Variants in XDH observed in about 807,000 individuals in gnomAD.
XDH encodes xanthine dehydrogenase/oxidase.
A neutral mutation model predicts 156.1 loss-of-function variants in XDH; 138 were observed. The ratio of observed to expected loss-of-function variants is 0.88; its 90% confidence interval spans 0.77 to 1.02. XDH has a LOEUF of 1.02. Ranked by LOEUF, XDH falls within the 50% of genes least tolerant of loss-of-function variation. The pLI is 0.00. For missense variants in XDH, 1,849 were observed against 1,684.9 expected, an observed-to-expected ratio of 1.10 and a Z score of -1.71; for synonymous variants, 669 against 625.7, an observed-to-expected ratio of 1.07 and a Z score of -1.03.
chr2:31,408,707 A>G (rs1315484466), intron 1 of XDH, among the ~76,000 whole-genome samples: 1 of 152,214 alleles, frequency 6.6e-6, no homozygotes, highest in Non-Finnish European at 1.5e-5. Flanking sequence ...TAGTACAGCC[A>G]CTATGGAGAA....
Position 31,377,165 on chromosome 2 carries a change from T to C in XDH, c.1315A>G (p.Arg439Gly). The change falls in exon 14 of 36, where the codon AGA becomes GGA. Residue 439 changes from arginine (R) to glycine (G), a missense_variant. By Grantham distance (125) the Arg-to-Gly change is moderately radical. Coordinates refer to ENST00000379416, the MANE Select transcript of XDH (RefSeq NM_000379.4). ...GTGGTTCCTGGCTTGAATAAAACTC[T>C]CATGCCACTGGTTACCTTGGCAATG... ...DDIAKVTSGM[R>G]VLFKPGTTEV... 6.2e-7 allele frequency: 1 copy of C among 1,614,122 alleles called. No individual in the cohort carries two copies. Among genetic ancestry groups the C allele is most frequent in the Non-Finnish European group, 8.5e-7 (1 of 1,180,030 alleles).
intron 24 of XDH, among the ~76,000 whole-genome samples, chr2:31,355,282 G>T (rs1214344475): frequency 6.6e-6 from 1 of 152,070 alleles, no homozygotes; most frequent in East Asian, 1.9e-4. Context: ...ATGACTAAAG[G>T]AAGTTCTAAA....
intron 5 of XDH, 35 bp downstream of exon 5, chr2:31,398,538 A>G (rs1224625333): frequency 1.9e-6 from 3 of 1,613,256 alleles, no homozygotes; most frequent in South Asian, 1.1e-5. Flanking sequence ...CTCGTTTGCC[A>G]TTCCACCTCC....
chr2:31,380,683 C>T (rs1351722976), intron 12 of XDH, among the ~76,000 whole-genome samples: 2 of 152,242 alleles, frequency 1.3e-5, no homozygotes, highest in East Asian at 3.8e-4. Flanking sequence ...CCAGACTTTG[C>T]TCCCATGTAT....
rs753500522 is a variant in XDH at position 31,383,027 on chromosome 2, C to G, written c.1012G>C (p.Ala338Pro). The change falls in exon 11 of 36, where the codon GCT (alanine) becomes CCT (proline). Residue 338 changes from alanine to proline, a missense_variant. By Grantham distance (27) the Ala-to-Pro change is conservative. Coordinates refer to ENST00000379416, the MANE Select transcript of XDH (RefSeq NM_000379.4). ...GCCACAGACTTGACTTGCTTCCCAG[C>G]AAACCAGCGCAGCTGCTCCAGGACC... is the stretch of plus-strand genomic sequence containing the variant. ...RGVLEQLRWF[A>P]GKQVKSVASV... 7 of 1,614,070 alleles carry G rather than the reference C, an allele frequency of 4.3e-6. No homozygotes were observed. Among genetic ancestry groups the G allele is most frequent in the Non-Finnish European group, 5.9e-6 (7 of 1,180,048 alleles).
chr2:31,376,560 T>C (rs553527556), intron 14 of XDH, among the ~76,000 whole-genome samples: 29 of 149,362 alleles, frequency 1.9e-4, no homozygotes, highest in African/African-American at 6.8e-4. Context: ...ACTAATAGAG[T>C]AAGCGGTAGA....
chr2:31,384,119 A>AGTGTGTCTGT (rs1553310580), intron 9 of XDH: 1 of 270,522 alleles, frequency 3.7e-6, no homozygotes, highest in Non-Finnish European at 7.2e-6. Context: ...AATTCACTCT[A>AGTGTGTCTGT]GTGTGTGTGT....
At chr2:31,389,695 G>A (rs963278499) in intron 6 of XDH, 3 of 152,080 alleles carry the variant, frequency 2.0e-5, no homozygotes, top group Non-Finnish European at 4.4e-5. Flanking sequence ...ATTCATTGGT[G>A]TGTTAATGAC....
In XDH at chr2:31,344,591, G is replaced by T; in HGVS notation, c.3404+93C>A. On this transcript the variant is annotated intron_variant, in intron 31 of 35. Coordinates refer to ENST00000379416, the MANE Select transcript of XDH (RefSeq NM_000379.4). ...GAGATAAGTGGAGCTGCTCTCTCCT[G>T]ACCACAGCCTGGCAGGATTCGGTGC... 3 of 1,455,270 alleles carry T rather than the reference G, an allele frequency of 2.1e-6. No homozygotes were observed. The South Asian group carries it at 3.4e-5, about 17-fold the overall frequency. 90.1% of individuals were successfully genotyped at this position (1,455,270 alleles called of 1,614,324 possible). A position where few individuals can be genotyped will look rare whatever the true frequency, so the allele number is the denominator to read the frequency against.
At chr2:31,400,236 CT>C (rs34200607) in intron 4 of XDH, among the ~76,000 whole-genome samples, 3,619 of 124,644 alleles carry the variant, frequency 0.029, 36 homozygotes, top group South Asian at 0.088. Flanking sequence ...CTGGTAACTT[CT>C]TTTTTTTTTT....
chr2:31,365,874 G>A (rs1685901755), intron 22 of XDH, 102 bp downstream of exon 22: 2 of 1,574,014 alleles, frequency 1.3e-6, no homozygotes, highest in South Asian at 1.1e-5. Context: ...AAAGCAGGGG[G>A]AAACTAATTC....
At chr2:31,344,817 A>G in intron 30 of XDH, 81 bp from the exon 31 acceptor site, 1 of 1,458,192 alleles carries the variant, frequency 6.9e-7, no homozygotes, top group Non-Finnish European at 9.6e-7. Flanking sequence ...TCAGGAGCTC[A>G]CCTCCTCTGG....
intron 12 of XDH, among the ~76,000 whole-genome samples, chr2:31,380,614 T>C (rs1686411762): frequency 6.6e-6 from 1 of 152,244 alleles, no homozygotes; most frequent in African/African-American, 2.4e-5. Flanking sequence ...CTGGAGGAAT[T>C]AAGCATGCAC....
chr2:31,383,131 C>T lies in XDH; in HGVS notation c.908G>A (p.Cys303Tyr). Residue 303 changes from cysteine to tyrosine, a missense_variant, in exon 11 of 36, where the codon TGC (cysteine) becomes TAC (tyrosine). Cys to Tyr is a radical substitution (Grantham distance 194). Transcript: ENST00000379416. ...GGTTTTTTCCACAATGCTCAGGGGG[C>T]AAGCAGCTCCAAAGGAGATACCTGG... Reference protein sequence around the residue: ...GPDGISFGAACPLSIVEKTLV... With the variant: ...GPDGISFGAAYPLSIVEKTLV... 1 of 1,614,178 alleles carries T rather than the reference C, an allele frequency of 6.2e-7. No individual in the cohort carries two copies. The highest frequency in any genetic ancestry group is 8.5e-7 in the Non-Finnish European group (1 of 1,180,032).
chr2:31,357,764 G>T (rs757602420), intron 24 of XDH, among the ~76,000 whole-genome samples: 23 of 151,928 alleles, frequency 1.5e-4, no homozygotes, highest in Non-Finnish European at 2.8e-4. Context: ...AGATATTGAC[G>T]TTACCCTGAT....
rs1198231760 is a variant in XDH, at chr2:31,381,697, G to T, written c.1068C>A (p.Ser356Arg). 6.2e-7 allele frequency: 1 copy of T among 1,613,860 alleles called. No individual in the cohort carries two copies. The highest frequency in any genetic ancestry group is 8.5e-7 in the Non-Finnish European group (1 of 1,179,990). Reference protein sequence around the residue: ...ASVGGNIITASPISDLNPVFM... With the variant: ...ASVGGNIITARPISDLNPVFM... ...ACACGGGGTTGAGGTCGGAGATGGG[G>T]CTGGCAGTGATGATGTTCCCTCCAA... The change falls in exon 12 of 36, where the codon AGC (serine) becomes AGA (arginine). Residue 356 changes from serine to arginine, a missense_variant. Ser to Arg is a moderately radical substitution (Grantham distance 110). Transcript: ENST00000379416.
At chr2:31,406,608 G>T (rs1687197130) in intron 1 of XDH, among the ~76,000 whole-genome samples, 1 of 152,106 alleles carries the variant, frequency 6.6e-6, no homozygotes, top group South Asian at 2.1e-4. Flanking sequence ...TGCTCACCTT[G>T]GGACCCACCA....
At chr2:31,377,520 GAAC>G (rs1686276794) in intron 13 of XDH, among the ~76,000 whole-genome samples, 1 of 152,218 alleles carries the variant, frequency 6.6e-6, no homozygotes, top group African/African-American at 2.4e-5. Flanking sequence ...GGTCTCCATT[GAAC>G]AACAGCTGCA....
At chr2:31,386,960 G>C (rs1686617838) in intron 8 of XDH, among the ~76,000 whole-genome samples, 1 of 101,662 alleles carries the variant, frequency 9.8e-6, no homozygotes, top group African/African-American at 3.7e-5. Context: ...GGGAGGGAGG[G>C]AGAGAGGGAG....
Sources: allele counts gnomAD v4.1 joint callset (sites outside exome capture counted in the v4.1 genomes callset), GRCh38; gene constraint gnomAD v4.1.1; transcripts MANE v1.5; gene names NCBI Gene and HGNC (gene_info 2026-07-23, HGNC 2026-07-21).